The following AGBL4 variants were observed in gnomAD, a reference collection of about 807,000 sequenced individuals.
AGBL4 encodes the protein cytosolic carboxypeptidase 6.
AGBL4 carries 58 observed loss-of-function variants against 66.4 expected under a neutral mutation model. That is an observed-to-expected ratio of 0.87 (90% confidence interval 0.71 to 1.09). The LOEUF (loss-of-function observed/expected upper bound fraction) is 1.09, where lower values mean the gene tolerates loss of function less well. Ranked by LOEUF, AGBL4 falls within the 50% of genes least tolerant of loss-of-function variation. AGBL4 has a pLI of 0.00. For missense variants in AGBL4, 579 were observed against 631.0 expected, an observed-to-expected ratio of 0.92 and a Z score of 0.88; for synonymous variants, 234 against 222.9, an observed-to-expected ratio of 1.05 and a Z score of -0.44.
chr1:49,778,976 G>A (rs1644268464), intron 2 of AGBL4, among the ~76,000 whole-genome samples: 3 of 152,088 alleles, frequency 2.0e-5, no homozygotes, highest in Non-Finnish European at 2.9e-5. Flanking sequence ...TTTAAAAGAT[G>A]CTGCCAGCAT....
chr1:49,536,508 A>G (rs186472666), intron 3 of AGBL4, among the ~76,000 whole-genome samples: 5 of 152,292 alleles, frequency 3.3e-5, no homozygotes, highest in Non-Finnish European at 7.4e-5. Flanking sequence ...TGTCAATCCT[A>G]TCAAAGAAAA....
intron 4 of AGBL4, among the ~76,000 whole-genome samples, chr1:49,203,628 T>C (rs989297761): frequency 1.3e-5 from 2 of 152,068 alleles, no homozygotes; most frequent in African/African-American, 4.8e-5. Context: ...AATGGGAAGT[T>C]GTTGTTTAAT....
chr1:49,633,521 T>G (rs1048527353), intron 3 of AGBL4, among the ~76,000 whole-genome samples: 1 of 152,122 alleles, frequency 6.6e-6, no homozygotes, highest in Non-Finnish European at 1.5e-5. Context: ...AATCATTAAA[T>G]GTGTGTGCCT....
chr1:49,683,499 A>T (rs1646734457), intron 3 of AGBL4, among the ~76,000 whole-genome samples: 1 of 152,204 alleles, frequency 6.6e-6, no homozygotes, highest in African/African-American at 2.4e-5. Context: ...GAAATTATTA[A>T]GTCTCAGTCT....
chr1:49,832,850 T>C (rs1645732129), intron 2 of AGBL4, among the ~76,000 whole-genome samples: 1 of 152,208 alleles, frequency 6.6e-6, no homozygotes, highest in African/African-American at 2.4e-5. Context: ...GGTTGTTTTT[T>C]TCTTATAAAT....
At chr1:48,746,239 GTAAA>G (rs1650734916) in intron 6 of AGBL4, among the ~76,000 whole-genome samples, 1 of 151,980 alleles carries the variant, frequency 6.6e-6, no homozygotes, top group African/African-American at 2.4e-5. Flanking sequence ...GGTTTTTTTG[GTAAA>G]TAGTCATTCA....
intron 5 of AGBL4, among the ~76,000 whole-genome samples, chr1:48,942,152 C>A (rs1656032488): frequency 6.6e-6 from 1 of 152,216 alleles, no homozygotes; most frequent in Non-Finnish European, 1.5e-5. Context: ...GATGACAAAT[C>A]TCCTGCTCCT....
At chr1:49,309,896 A>G (rs966648022) in intron 3 of AGBL4, among the ~76,000 whole-genome samples, 3 of 152,094 alleles carry the variant, frequency 2.0e-5, no homozygotes, top group Non-Finnish European at 4.4e-5. Flanking sequence ...ATCAACTTAA[A>G]TGTTATTTTT....
At chr1:49,608,216 G>A (rs937857812) in intron 3 of AGBL4, among the ~76,000 whole-genome samples, 17 of 152,152 alleles carry the variant, frequency 1.1e-4, no homozygotes, top group South Asian at 6.2e-4. Context: ...CTGGAGCTTG[G>A]GAGGGCATTA....
chr1:48,558,503 C>A (rs1166809018), intron 11 of AGBL4, among the ~76,000 whole-genome samples: 2 of 152,216 alleles, frequency 1.3e-5, no homozygotes, highest in Non-Finnish European at 2.9e-5. Context: ...CCAATCAGAG[C>A]ACTGATATAC....
intron 3 of AGBL4, among the ~76,000 whole-genome samples, chr1:49,677,061 A>G: frequency 6.6e-6 from 1 of 151,896 alleles, no homozygotes; most frequent in East Asian, 1.9e-4. Flanking sequence ...TTTTAGACCA[A>G]GTTCAATAGT....
chr1:49,597,636 C>T (rs1040064237), intron 3 of AGBL4, among the ~76,000 whole-genome samples: 1 of 152,216 alleles, frequency 6.6e-6, no homozygotes, highest in Non-Finnish European at 1.5e-5. Context: ...CTGGAATTGG[C>T]ATGTTGCCAG....
chr1:48,782,271 T>A (rs1000356353), intron 6 of AGBL4, among the ~76,000 whole-genome samples: 15 of 152,216 alleles, frequency 9.9e-5, no homozygotes, highest in Non-Finnish European at 1.8e-4. Flanking sequence ...GCAGAAAATG[T>A]ACACATCTGG....
Position 49,380,298 on chromosome 1 carries a change from C to T in AGBL4, c.283-134434G>A, listed in dbSNP as rs564003617. Among the ~76,000 whole-genome samples, 11 of 151,586 alleles carry T rather than the reference C, an allele frequency of 7.3e-5. No homozygotes were observed. The East Asian group carries it at 1.6e-3, about 22-fold the overall frequency. ...ACCTAGGAATCCAACTTACAAGGGA[C>T]GTGAAGACATGGAGAACTACAAACC... On this transcript the variant is annotated intron_variant, in intron 3 of 13. Coordinates refer to ENST00000371839, the MANE Select transcript of AGBL4 (RefSeq NM_032785.4).
Position 49,045,638 on chromosome 1 carries a change from G to A in AGBL4, c.540C>T (p.Ser180=), listed in dbSNP as rs547521041. 37 of 1,599,840 alleles carry A rather than the reference G, an allele frequency of 2.3e-5. No homozygotes were observed. In the East Asian group the frequency reaches 7.4e-4, roughly 32 times the overall value. ...AGTAATCCATGTTTCTCTTTTGCAG[G>A]CTGTCAAGGTAATGTTGGAAGCGAG... The part of the protein sequence containing the change: ...TYTRFQHYLD[S]LQKRNMDYFF... The change falls in exon 5 of 14, where the codon AGC becomes AGT. Residue 180 remains serine, a synonymous_variant. Coordinates refer to ENST00000371839, the MANE Select transcript of AGBL4 (RefSeq NM_032785.4).
At chr1:48,789,529 TC>T (rs1645493849) in intron 6 of AGBL4, among the ~76,000 whole-genome samples, 3 of 152,108 alleles carry the variant, frequency 2.0e-5, no homozygotes, top group Non-Finnish European at 2.9e-5. Context: ...GACCTTGTGA[TC>T]CTACCACCTT....
intron 3 of AGBL4, among the ~76,000 whole-genome samples, chr1:49,414,562 G>T (rs956499433): frequency 6.6e-6 from 1 of 152,138 alleles, no homozygotes; most frequent in African/African-American, 2.4e-5. Flanking sequence ...CGGGCCTACT[G>T]CTTAAAACTG....
intron 8 of AGBL4, 101 bp from the exon 9 acceptor site, chr1:48,634,705 C>T (rs1645642438): frequency 5.4e-6 from 4 of 734,282 alleles, no homozygotes; most frequent in Non-Finnish European, 8.7e-6. Flanking sequence ...ATGTCACTTA[C>T]CTAGCATTTA....
chr1:48,906,308 G>A (rs1181721902), intron 5 of AGBL4, among the ~76,000 whole-genome samples: 1 of 152,164 alleles, frequency 6.6e-6, no homozygotes, highest in Admixed American at 6.5e-5. Flanking sequence ...GATAAATCAT[G>A]TACTGATTTT....
Sources: gnomAD v4.1 joint callset for allele counts (sites outside exome capture counted in the v4.1 genomes callset) on GRCh38, gnomAD v4.1.1 for gene constraint, MANE v1.5 for transcripts, NCBI Gene and HGNC (gene_info 2026-07-23, HGNC 2026-07-21) for gene names.